ATXN7: variants seen among roughly 807,000 people sequenced by gnomAD.
The protein encoded by ATXN7 is ataxin-7.
In ATXN7, 12 loss-of-function variants were observed where a neutral mutation model predicts 70.5. That is an observed-to-expected ratio of 0.17 (90% CI 0.11 to 0.28). The LOEUF is 0.28. ATXN7 is among the 10% of genes least tolerant of loss of function. ATXN7 has a pLI of 1.00. For synonymous variants in ATXN7, 498 were observed against 448.7 expected, an observed-to-expected ratio of 1.11 and a Z score of -1.39; for missense variants, 1,256 against 1,131.7, an observed-to-expected ratio of 1.11 and a Z score of -1.58.
In ATXN7 at chr3:63,982,378, G is replaced by A. The variant is rs573203619; in HGVS notation, c.945G>A (p.Pro315=). ...QILNGKGLPA[P]PTLEKKPEDN... is the part of the protein sequence containing the mutation. ...TGAATGGCAAAGGGCTTCCTGCACCGCCCACTCTGGAAAAGAAACCTGAAG... is the reference window on the plus strand; with the variant it reads ...TGAATGGCAAAGGGCTTCCTGCACCACCCACTCTGGAAAAGAAACCTGAAG... Residue 315 remains proline (P), a synonymous_variant, in exon 7 of 13, where the codon CCG becomes CCA. Transcript: ENST00000674280. 1.5e-5 allele frequency: 24 copies of A among 1,613,688 alleles called. No individual in the cohort carries two copies. The African/African-American group carries it at 2.1e-4, about 14-fold the overall frequency.
At chr3:63,991,051 G>T in intron 11 of ATXN7, 192 bp downstream of exon 11, 2 of 752,160 alleles carry the variant, frequency 2.7e-6, no homozygotes, top group Non-Finnish European at 4.2e-6. Context: ...TGTTGTGGGT[G>T]CTGGCATTCA....
chr3:63,929,081 A>G (rs1324796149), intron 4 of ATXN7, among the ~76,000 whole-genome samples: 3 of 152,252 alleles, frequency 2.0e-5, no homozygotes, highest in Non-Finnish European at 4.4e-5. Context: ...AGCAAATCCT[A>G]ATGGTTAGTT....
At chr3:63,973,033 C>T (rs1296178247) in intron 5 of ATXN7, among the ~76,000 whole-genome samples, 1 of 152,132 alleles carries the variant, frequency 6.6e-6, no homozygotes, top group Non-Finnish European at 1.5e-5. Context: ...CTTTGCAACT[C>T]TTGATCGTTT....
At chr3:63,917,592 G>A (rs923362263) in intron 4 of ATXN7, among the ~76,000 whole-genome samples, 3 of 152,140 alleles carry the variant, frequency 2.0e-5, no homozygotes, top group South Asian at 2.1e-4. Context: ...AAGTCTAACC[G>A]TTGTGTGGTA....
intron 11 of ATXN7, chr3:63,991,093 AC>A: frequency 7.2e-6 from 4 of 556,824 alleles, no homozygotes; most frequent in Non-Finnish European, 9.5e-6. Flanking sequence ...TATGGAGCTC[AC>A]AGTCTAGTTG....
chr3:63,962,139 A>G (rs1302027293), intron 5 of ATXN7, among the ~76,000 whole-genome samples: 3 of 152,118 alleles, frequency 2.0e-5, no homozygotes, highest in Non-Finnish European at 2.9e-5. Context: ...AAATTTAGCT[A>G]TTTCCCTCAT....
Position 63,991,076 on chromosome 3 carries a change from C to A in ATXN7, c.1682+217C>A, listed in dbSNP as rs1331437396. 5 of 613,088 alleles carry A rather than the reference C, an allele frequency of 8.2e-6. No individual in the cohort carries two copies. The East Asian group carries it at 1.2e-4, about 15-fold the overall frequency. 38.0% of individuals were successfully genotyped at this position (613,088 alleles called of 1,614,324 possible). ...GCTGGCATTCAAAGCAGAAGGACTC[C>A]CACATGTATGGAGCTCACAGTCTAG... On this transcript the variant is annotated intron_variant, in intron 11 of 12. Transcript: ENST00000674280.
chr3:63,983,085 C>T, intron 8 of ATXN7, 64 bp downstream of exon 8: 1 of 1,223,846 alleles, frequency 8.2e-7, no homozygotes, highest in Non-Finnish European at 1.2e-6. Flanking sequence ...GGATGTACCA[C>T]ACTACTCCCA....
rs970166582 is a variant in ATXN7 at position 63,887,185 on chromosome 3, CAG to C, written c.-110-11213_-110-11212del. Among the ~76,000 whole-genome samples the C allele has an allele frequency of 5.9e-5, 9 of 152,288 alleles. 1 individual carries two copies. In the South Asian group the frequency reaches 6.2e-4, roughly 11 times the overall value. Reference sequence around the variant, plus strand: ...CCGTTAGGTGTGAGATACAGGGAATCAGGGGGCATGTTTGTGATGTAGTGCCA... The same window carrying C: ...CCGTTAGGTGTGAGATACAGGGAATCGGGGCATGTTTGTGATGTAGTGCCA... On this transcript the variant is annotated intron_variant, in intron 1 of 12. Coordinates refer to ENST00000674280, the MANE Select transcript of ATXN7 (RefSeq NM_001377405.1).
At position 64,002,456 on chromosome 3, in the gene ATXN7, C is replaced by T. The variant is rs2075843046; in HGVS notation, c.*2989C>T. The stretch of plus-strand genomic sequence containing the variant: ...CTACATGTAACTAAGTGACACACTG[C>T]TTTTCTTTTGTTAGTATTTTATGTG... On this transcript the variant is annotated 3_prime_UTR_variant, in exon 13 of 13. Coordinates refer to ENST00000674280, the MANE Select transcript of ATXN7 (RefSeq NM_001377405.1). The T allele has an allele frequency of 6.6e-6, 1 of 152,028 alleles. No homozygotes were observed. Among genetic ancestry groups the T allele is most frequent in the African/African-American group, 2.4e-5 (1 of 41,294 alleles). The allele number at this position is 152,028 out of a possible 1,614,324, so 9.4% of individuals were successfully genotyped here. A position where few individuals can be genotyped will look rare whatever the true frequency, so the allele number is the denominator to read the frequency against.
intron 2 of ATXN7, chr3:63,901,112 A>G (rs1050994055): frequency 9.2e-5 from 14 of 152,240 alleles, no homozygotes; most frequent in African/African-American, 3.1e-4. Flanking sequence ...TTGAATTGGC[A>G]CTTACCTTTT....
In ATXN7 at chr3:63,980,205, T is replaced by C. The variant is rs576659173; in HGVS notation, c.752+38T>C. ...AAGAGGGTTTTTAAAGCTTACCTGC[T>C]GGAAATGAAACTGTGTACACTAGTG... is the stretch of plus-strand genomic sequence containing the variant. On this transcript the variant is annotated intron_variant, in intron 6 of 12. Transcript: ENST00000674280. 32 of 1,612,258 alleles carry C rather than the reference T, an allele frequency of 2.0e-5. No homozygotes were observed. In the South Asian group the frequency reaches 3.3e-4, roughly 17 times the overall value.
chr3:63,922,608 A>G (rs1369678196), intron 4 of ATXN7, among the ~76,000 whole-genome samples: 1 of 152,116 alleles, frequency 6.6e-6, no homozygotes, highest in African/African-American at 2.4e-5. Context: ...GTCATCATGA[A>G]GGTGGGGAGT....
intron 5 of ATXN7, among the ~76,000 whole-genome samples, chr3:63,957,180 C>T (rs2075053816): frequency 6.6e-6 from 1 of 152,174 alleles, no homozygotes; most frequent in Non-Finnish European, 1.5e-5. Context: ...CTTAATGTTT[C>T]TCTTTTATGC....
intron 11 of ATXN7, among the ~76,000 whole-genome samples, chr3:63,992,859 G>C (rs2075693771): frequency 6.6e-6 from 1 of 152,174 alleles, no homozygotes; most frequent in African/African-American, 2.4e-5. Flanking sequence ...TCCCAACATA[G>C]GAGTGCTGGC....
Position 63,999,539 on chromosome 3 carries a change from T to G in ATXN7, c.*72T>G. ...CAAGTTACACCTCCACTCAGCACTC[T>G]GGACTCCACGATGCCTTTGAGTCTG... On this transcript the variant is annotated 3_prime_UTR_variant, in exon 13 of 13. Coordinates refer to ENST00000674280, the MANE Select transcript of ATXN7 (RefSeq NM_001377405.1). 6.2e-7 allele frequency: 1 copy of G among 1,601,620 alleles called. No individual in the cohort carries two copies. The highest frequency in any genetic ancestry group is 8.5e-7 in the Non-Finnish European group (1 of 1,173,000).
intron 5 of ATXN7, among the ~76,000 whole-genome samples, chr3:63,976,336 C>A (rs2075388207): frequency 6.6e-6 from 1 of 152,154 alleles, no homozygotes; most frequent in African/African-American, 2.4e-5. Flanking sequence ...GAGTAAGTTA[C>A]CAGTCCGTGA....
intron 5 of ATXN7, among the ~76,000 whole-genome samples, chr3:63,955,402 T>C (rs564716034): frequency 3.6e-4 from 54 of 151,800 alleles, no homozygotes; most frequent in Non-Finnish European, 7.2e-4. Flanking sequence ...GGTTTAGAGG[T>C]GGATGGGGGT....
intron 5 of ATXN7, among the ~76,000 whole-genome samples, chr3:63,978,450 C>T (rs1187032282): frequency 6.6e-6 from 1 of 152,148 alleles, no homozygotes; most frequent in Non-Finnish European, 1.5e-5. Context: ...ACAATCCTGG[C>T]TGACAAGTGC....
Sources: allele counts gnomAD v4.1 joint callset (sites outside exome capture counted in the v4.1 genomes callset), GRCh38; gene constraint gnomAD v4.1.1; transcripts MANE v1.5; gene names NCBI Gene and HGNC (gene_info 2026-07-23, HGNC 2026-07-21).